The following ZNF536 variants were observed in gnomAD, a reference collection of about 807,000 sequenced individuals.
ZNF536 encodes zinc finger protein 536.
A neutral mutation model predicts 84.5 loss-of-function variants in ZNF536; 13 were observed. The observed-to-expected ratio is 0.15, with a 90% CI of 0.10 to 0.24. ZNF536 has a LOEUF of 0.24. Among genes scored for constraint, ZNF536 ranks in the 10% least tolerant of loss-of-function variants. The pLI, the probability that ZNF536 is intolerant of heterozygous loss-of-function variation, is 1.00. For synonymous variants in ZNF536, 811 were observed against 742.5 expected (o/e 1.09, Z -1.50); for missense variants, 1,536 against 1,747.5 (o/e 0.88, Z 2.16).
At chr19:30,495,706 G>A (rs941495773) in intron 2 of ZNF536, among the ~76,000 whole-genome samples, 3 of 152,192 alleles carry the variant, frequency 2.0e-5, no homozygotes, top group African/African-American at 4.8e-5. Context: ...CTTTATGGGG[G>A]TATCTGAAGA....
intron 2 of ZNF536, among the ~76,000 whole-genome samples, chr19:30,521,014 C>T (rs926903868): frequency 7.9e-5 from 12 of 152,314 alleles, no homozygotes; most frequent in African/African-American, 2.6e-4. Flanking sequence ...TTTGCAAGCC[C>T]ATTGCCTCAT....
intron 2 of ZNF536, among the ~76,000 whole-genome samples, chr19:30,448,031 C>T (rs2148274331): frequency 6.6e-6 from 1 of 152,294 alleles, no homozygotes; most frequent in South Asian, 2.1e-4. Context: ...ACCCATTTTG[C>T]TTAAAAAGAA....
At chr19:30,431,509 C>T (rs4804930) in intron 1 of ZNF536, among the ~76,000 whole-genome samples, 22,466 of 152,210 alleles carry the variant, frequency 0.15, 2,331 homozygotes, top group African/African-American at 0.28. Flanking sequence ...ACGAATCTCC[C>T]TGGGCCGACT....
In ZNF536 at chr19:30,429,284, G is replaced by A. The variant is rs115712114; in HGVS notation, c.-2-14277G>A. ...CTTGGCACTTGGGAATGTTGCCCTG[G>A]TGGATGTGTCATCATCACAGAGAGG... On this transcript the variant is annotated intron_variant, in intron 1 of 4. Transcript: ENST00000355537. Among the ~76,000 whole-genome samples, 325 of 152,276 alleles carry A rather than the reference G, an allele frequency of 2.1e-3. 1 individual carries two copies. Among genetic ancestry groups the A allele is most frequent in the African/African-American group, 7.3e-3 (304 of 41,548 alleles).
chr19:30,676,718 T>A (rs1395436012), intron 1 of ZNF536, among the ~76,000 whole-genome samples: 2 of 152,226 alleles, frequency 1.3e-5, no homozygotes, highest in East Asian at 3.8e-4. Context: ...CCTTAGAGAA[T>A]TAAACTTGTC....
intron 2 of ZNF536, among the ~76,000 whole-genome samples, chr19:30,483,278 G>A (rs545986149): frequency 2.8e-4 from 43 of 152,294 alleles, no homozygotes; most frequent in Non-Finnish European, 5.1e-4. Context: ...GGCTCCCCTT[G>A]GCAGGTCAGC....
chr19:30,414,111 A>AAT lies in ZNF536; in HGVS notation c.-2-29449_-2-29448insTA, dbSNP rs1336947784. Among the ~76,000 whole-genome samples the AAT allele has an allele frequency of 6.0e-5, 9 of 151,178 alleles. 1 individual carries two copies. The highest frequency in any genetic ancestry group is 5.9e-4 in the Admixed American group (9 of 15,136). The stretch of plus-strand genomic sequence containing the variant: ...TCTGTCTCAAAAAAAAAAAAAAAAA[A>AAT]AAAGTTTCCCTGTACCTATTTAATG... On this transcript the variant is annotated intron_variant, in intron 1 of 4. Coordinates refer to ENST00000355537, the MANE Select transcript of ZNF536 (RefSeq NM_014717.3).
intron 1 of ZNF536, among the ~76,000 whole-genome samples, chr19:30,573,707 G>T (rs1174670640): frequency 6.6e-6 from 1 of 152,158 alleles, no homozygotes. Context: ...GCAGGAGCTC[G>T]TCAGGACTTT....
At chr19:30,310,912 CT>C (rs2046480731) in intron 2 of ZNF536, among the ~76,000 whole-genome samples, 1 of 152,232 alleles carries the variant, frequency 6.6e-6, no homozygotes, top group Non-Finnish European at 1.5e-5. Flanking sequence ...AAACCCATTC[CT>C]CATTATCTGA....
intron 2 of ZNF536, among the ~76,000 whole-genome samples, chr19:30,286,516 G>A (rs1415664731): frequency 7.2e-6 from 1 of 139,188 alleles, no homozygotes; most frequent in East Asian, 2.8e-4. Context: ...GAGAAAGAGA[G>A]ACAGAGACAG....
At chr19:30,390,170 G>T (rs993834780) in intron 1 of ZNF536, among the ~76,000 whole-genome samples, 2 of 152,176 alleles carry the variant, frequency 1.3e-5, no homozygotes, top group Non-Finnish European at 2.9e-5. Context: ...CTGCAGGGGG[G>T]TTAAGGTTGT....
intron 3 of ZNF536, among the ~76,000 whole-genome samples, chr19:30,366,295 G>A (rs900962921): frequency 4.6e-5 from 7 of 152,106 alleles, no homozygotes; most frequent in African/African-American, 1.7e-4. Flanking sequence ...TTCCGTGTCA[G>A]GCAAAGTGCC....
intron 1 of ZNF536, among the ~76,000 whole-genome samples, chr19:30,672,179 T>A (rs1325762306): frequency 6.6e-6 from 1 of 152,264 alleles, no homozygotes; most frequent in African/African-American, 2.4e-5. Context: ...TCCCCTTTTA[T>A]TCTGCAATTC....
chr19:30,366,334 C>T (rs2048427036), intron 3 of ZNF536, among the ~76,000 whole-genome samples: 2 of 152,154 alleles, frequency 1.3e-5, no homozygotes, highest in Non-Finnish European at 1.5e-5. Context: ...GTCAGTCTGT[C>T]TATCTGTCTA....
rs1217966116 is a variant in ZNF536, at chr19:30,418,760, C to T, written c.-2-24801C>T. Reference sequence around the variant, plus strand: ...TCACTAAACCTTCACCTCTGGGAGTCATTTTCTTCCAAATTATGCAATTAA... The same window carrying T: ...TCACTAAACCTTCACCTCTGGGAGTTATTTTCTTCCAAATTATGCAATTAA... On this transcript the variant is annotated intron_variant, in intron 1 of 4. Coordinates refer to ENST00000355537, the MANE Select transcript of ZNF536 (RefSeq NM_014717.3). Among the ~76,000 whole-genome samples the T allele has an allele frequency of 2.6e-5, 4 of 152,104 alleles. No homozygotes were observed. In the East Asian group the frequency reaches 7.7e-4, roughly 29 times the overall value.
At chr19:30,561,062 T>A (rs1479097962), downstream of ZNF536, among the ~76,000 whole-genome samples, 1 of 152,252 alleles carries the variant, frequency 6.6e-6, no homozygotes, top group African/African-American at 2.4e-5. Flanking sequence ...ACCCATCTAA[T>A]GGTAACTCAC....
In ZNF536 at chr19:30,353,853, C is replaced by T. The variant is rs191140321; in HGVS notation, c.-3+1369C>T. The stretch of plus-strand genomic sequence containing the variant: ...CATTGATGGTGAGGATTCTGCCACG[C>T]GGATGCTCACAGTTTTGGAAGGCCC... On this transcript the variant is annotated intron_variant, in intron 3 of 5. Transcript: ENST00000585628. 6.7e-3 allele frequency among the ~76,000 whole-genome samples: 1,018 copies of T among 152,286 alleles called. 20 individuals are homozygous for T. The highest frequency in any genetic ancestry group is 6.3e-3 in the Non-Finnish European group (430 of 68,028).
rs748235024 is a variant in ZNF536 at position 30,557,164 on chromosome 19, A to G, written c.3903A>G (p.Ter1301TrpextTer5). The change falls in exon 5 of 5, where the codon TGA becomes TGG. Residue 1301 changes from the stop codon to tryptophan, a stop_lost. Transcript: ENST00000355537. ...CIKRPDLCGK[*>W] ...CTGCACATTTTCTTGCAGGTAAGTG[A>G]CACTCCCTGTCCTAGTCGGTCTATC... is the stretch of plus-strand genomic sequence containing the variant. 1.2e-6 allele frequency: 2 copies of G among 1,612,670 alleles called. No individual in the cohort carries two copies. Among genetic ancestry groups the G allele is most frequent in the South Asian group, 2.2e-5 (2 of 90,846 alleles).
intron 1 of ZNF536, among the ~76,000 whole-genome samples, chr19:30,670,066 CG>C (rs2050485309): frequency 6.6e-6 from 1 of 152,298 alleles, no homozygotes; most frequent in South Asian, 2.1e-4. Context: ...AGGGCGGGCC[CG>C]GGACTCACGG....
Sources: allele counts gnomAD v4.1 joint callset (sites outside exome capture counted in the v4.1 genomes callset), GRCh38; gene constraint gnomAD v4.1.1; transcripts MANE v1.5; gene names NCBI Gene and HGNC (gene_info 2026-07-23, HGNC 2026-07-21).